The following MYO1D variants were observed in gnomAD, a reference collection of about 807,000 sequenced individuals.
MYO1D encodes myosin ID.
In MYO1D, 83 loss-of-function variants were observed where a neutral mutation model predicts 122.0. The observed-to-expected ratio is 0.68, with a 90% CI of 0.57 to 0.82. The LOEUF (loss-of-function observed/expected upper bound fraction) is 0.82. Among genes scored for constraint, MYO1D ranks in the 40% least tolerant of loss-of-function variants. The pLI, the probability that MYO1D is intolerant of heterozygous loss-of-function variation, is 0.00. For synonymous variants in MYO1D, 464 were observed against 446.9 expected, an observed-to-expected ratio of 1.04 and a Z score of -0.48; for missense variants, 1,157 against 1,269.5, an observed-to-expected ratio of 0.91 and a Z score of 1.35.
intron 21 of MYO1D, among the ~76,000 whole-genome samples, chr17:32,548,705 TA>T (rs1401122615): frequency 7.0e-6 from 1 of 143,412 alleles, no homozygotes; most frequent in Non-Finnish European, 1.5e-5. Flanking sequence ...CTTTTTAAAT[TA>T]TTTTTTGGTC....
intron 7 of MYO1D, 139 bp from the exon 8 acceptor site, chr17:32,765,220 T>C (rs2090043459): frequency 1.5e-6 from 1 of 678,266 alleles, no homozygotes. Context: ...ATAAAAACAG[T>C]GTTTCATCTA....
intron 15 of MYO1D, among the ~76,000 whole-genome samples, chr17:32,717,618 G>C (rs983770558): frequency 2.0e-5 from 3 of 152,092 alleles, no homozygotes; most frequent in Non-Finnish European, 4.4e-5. Flanking sequence ...CTCTTGAATG[G>C]TATTTTGACA....
intron 12 of MYO1D, 81 bp downstream of exon 12, chr17:32,748,855 C>A (rs2089868016): frequency 1.5e-6 from 2 of 1,300,554 alleles, no homozygotes; most frequent in African/African-American, 2.9e-5. Context: ...GAATATAAAA[C>A]CAATTTACAT....
At chr17:32,729,487 T>C (rs2089612016) in intron 14 of MYO1D, among the ~76,000 whole-genome samples, 1 of 152,128 alleles carries the variant, frequency 6.6e-6, no homozygotes, top group African/African-American at 2.4e-5. Context: ...AATGGAGCAC[T>C]AGGTAATACT....
chr17:32,650,561 T>G (rs2088375128), intron 19 of MYO1D, among the ~76,000 whole-genome samples: 1 of 152,200 alleles, frequency 6.6e-6, no homozygotes, highest in Admixed American at 6.5e-5. Context: ...ATCTAACAGC[T>G]TCCTGATGCT....
chr17:32,712,509 A>C (rs1030465746), intron 15 of MYO1D, among the ~76,000 whole-genome samples: 3 of 152,134 alleles, frequency 2.0e-5, no homozygotes, highest in Non-Finnish European at 4.4e-5. Flanking sequence ...GATACAAGAG[A>C]AGGGTGGCTC....
rs2088449234 is a variant in MYO1D, at chr17:32,654,601, A to G, written c.2366T>C (p.Ile789Thr). Residue 789 changes from isoleucine to threonine, a missense_variant, in exon 18 of 22, where the codon ATC becomes ACC. By Grantham distance (89) the Ile-to-Thr change is moderately conservative. Transcript: ENST00000318217. ...IFNRWRASQLIKSIPASDLPQ... is the reference protein window; with the variant it reads ...IFNRWRASQLTKSIPASDLPQ... ...CAGGTCTGAGGCCGGAATGCTCTTG[A>G]TGAGCTGGGATGCTCTCCATCTACA... The G allele has an allele frequency of 6.2e-7, 1 of 1,611,618 alleles. No individual in the cohort carries two copies. The highest frequency in any genetic ancestry group is 8.5e-7 in the Non-Finnish European group (1 of 1,179,160).
chr17:32,557,934 G>A (rs998156772), intron 21 of MYO1D, among the ~76,000 whole-genome samples: 10 of 151,890 alleles, frequency 6.6e-5, no homozygotes, highest in Non-Finnish European at 1.2e-4. Context: ...AACTGTGGAC[G>A]TAAATGAATG....
rs189937462 is a variant in MYO1D at position 32,666,598 on chromosome 17, G to A, written c.2122-7260C>T. ...CATTAAACTTTGCAAAAAAAAGTAG[G>A]ATTCTAGGTTGCACTCTATTAAGAA... On this transcript the variant is annotated intron_variant, in intron 16 of 21. Transcript: ENST00000318217. Among the ~76,000 whole-genome samples the A allele has an allele frequency of 8.3e-4, 127 of 152,248 alleles. 1 individual carries two copies. Among genetic ancestry groups the A allele is most frequent in the Admixed American group, 1.2e-3 (19 of 15,304 alleles).
intron 21 of MYO1D, among the ~76,000 whole-genome samples, chr17:32,590,341 A>G (rs1457373366): frequency 6.6e-6 from 1 of 152,160 alleles, no homozygotes; most frequent in East Asian, 1.9e-4. Flanking sequence ...TGAAGACCCA[A>G]CTGGGTGATC....
chr17:32,864,569 A>AAG (rs2091108021), intron 1 of MYO1D, among the ~76,000 whole-genome samples: 1 of 151,416 alleles, frequency 6.6e-6, no homozygotes, highest in Non-Finnish European at 1.5e-5. Context: ...AAAAAAAAAA[A>AAG]AAGGAGAGAA....
intron 21 of MYO1D, among the ~76,000 whole-genome samples, chr17:32,572,523 C>T (rs1444749613): frequency 1.3e-5 from 2 of 152,150 alleles, no homozygotes; most frequent in Non-Finnish European, 2.9e-5. Context: ...GGACCAGCCA[C>T]CCTCTTGTCT....
chr17:32,855,018 C>T (rs1055760038), intron 1 of MYO1D, among the ~76,000 whole-genome samples: 1 of 152,152 alleles, frequency 6.6e-6, no homozygotes, highest in African/African-American at 2.4e-5. Context: ...TGCAAATCCA[C>T]GAAGTCATGA....
chr17:32,543,266 T>C (rs1397805719), intron 21 of MYO1D, among the ~76,000 whole-genome samples: 1 of 148,564 alleles, frequency 6.7e-6, no homozygotes, highest in Non-Finnish European at 1.5e-5. Context: ...TATCTGATTA[T>C]TTGGTGAGTC....
chr17:32,770,358 A>G (rs891051058), intron 6 of MYO1D, among the ~76,000 whole-genome samples: 1 of 152,150 alleles, frequency 6.6e-6, no homozygotes, highest in Non-Finnish European at 1.5e-5. Flanking sequence ...ATTTTTTTAA[A>G]TAAGGAAAAA....
chr17:32,548,429 G>GAA (rs113153925), intron 21 of MYO1D, among the ~76,000 whole-genome samples: 9 of 132,226 alleles, frequency 6.8e-5, no homozygotes, highest in South Asian at 2.4e-4. Context: ...CCTGTCTCAA[G>GAA]AAAAAAAAAA....
chr17:32,852,911 A>T (rs1374261278), intron 1 of MYO1D, among the ~76,000 whole-genome samples: 1 of 152,178 alleles, frequency 6.6e-6, no homozygotes, highest in African/African-American at 2.4e-5. Flanking sequence ...AAAGCATCAA[A>T]TGTCATCATA....
chr17:32,685,984 T>C (rs2088999778), intron 16 of MYO1D, among the ~76,000 whole-genome samples: 1 of 152,228 alleles, frequency 6.6e-6, no homozygotes, highest in African/African-American at 2.4e-5. Context: ...CTGACTGTTA[T>C]ATCCACCAAG....
At chr17:32,538,960 T>C (rs1018428876) in intron 21 of MYO1D, among the ~76,000 whole-genome samples, 1 of 150,240 alleles carries the variant, frequency 6.7e-6, no homozygotes, top group Admixed American at 6.7e-5. Flanking sequence ...TGGGTGGGGG[T>C]TGGGGGAGAG....
Sources: allele counts gnomAD v4.1 joint callset (sites outside exome capture counted in the v4.1 genomes callset), GRCh38; gene constraint gnomAD v4.1.1; transcripts MANE v1.5; gene names NCBI Gene and HGNC (gene_info 2026-07-23, HGNC 2026-07-21).